Variants in JAM2 observed in about 807,000 individuals in gnomAD.
JAM2 encodes junctional adhesion molecule 2, also known as junctional adhesion molecule B.
A neutral mutation model predicts 42.0 loss-of-function variants in JAM2; 17 were observed. The observed-to-expected ratio is 0.40, with a 90% confidence interval of 0.28 to 0.61. The LOEUF is 0.61. Ranked by LOEUF, JAM2 falls within the 20% of genes least tolerant of loss-of-function variation. The pLI is 0.37. For missense variants in JAM2, 319 were observed against 358.3 expected, an observed-to-expected ratio of 0.89 and a Z score of 0.89; for synonymous variants, 118 against 128.6, an observed-to-expected ratio of 0.92 and a Z score of 0.56.
chr21:25,701,417 C>G (rs1338571171), intron 5 of JAM2, among the ~76,000 whole-genome samples: 1 of 151,562 alleles, frequency 6.6e-6, no homozygotes, highest in Admixed American at 6.6e-5. Flanking sequence ...CCCTCCCTCT[C>G]TTCCTTCCTT....
rs1223121129 is a variant in JAM2, at chr21:25,714,127, T to A, written c.865-513T>A. ...TCTGCCTCTGCCTTCCAGTCCTACC[T>A]CTTTACTCTCTAGGCAAAGCTTCAG... On this transcript the variant is annotated intron_variant, in intron 9 of 9. Coordinates refer to ENST00000480456, the MANE Select transcript of JAM2 (RefSeq NM_021219.4). 2.4e-6 allele frequency: 3 copies of A among 1,272,292 alleles called. No individual in the cohort carries two copies. In the Admixed American group the frequency reaches 7.1e-5, roughly 30 times the overall value. 78.8% of individuals were successfully genotyped at this position (1,272,292 alleles called of 1,614,324 possible).
rs2034183926 is a variant in JAM2 at position 25,702,332 on chromosome 21, G to C, written c.697+63G>C. On this transcript the variant is annotated intron_variant, in intron 6 of 9. Transcript: ENST00000480456. ...ATTCGACTGTGAAGTACAGCAGTTG[G>C]GGGTACAAGGAGCAAGGAGCAGGAA... 5.0e-5 allele frequency: 49 copies of C among 988,010 alleles called. No homozygotes were observed. The South Asian group carries it at 6.2e-4, about 13-fold the overall frequency. The allele number at this position is 988,010 out of a possible 1,614,324, so 61.2% of individuals were successfully genotyped here. A position where few individuals can be genotyped will look rare whatever the true frequency, so the allele number is the denominator to read the frequency against.
chr21:25,639,835 G>A lies in JAM2; in HGVS notation c.14G>A (p.Ser5Asn). The A allele has an allele frequency of 6.3e-7, 1 of 1,586,694 alleles. No individual in the cohort carries two copies. The highest frequency in any genetic ancestry group is 8.6e-7 in the Non-Finnish European group (1 of 1,169,248). Reference sequence around the variant, plus strand: ...CGCCCCGGGAAGATGGCGAGGAGGAGCCGCCACCGCCTCCTCCTGCTGCTG... The same window carrying A: ...CGCCCCGGGAAGATGGCGAGGAGGAACCGCCACCGCCTCCTCCTGCTGCTG... MARR[S>N]RHRLLLLLLR... The change falls in exon 1 of 10, where the codon AGC becomes AAC. Residue 5 changes from serine to asparagine, a missense_variant. Transcript: ENST00000480456.
intron 1 of JAM2, among the ~76,000 whole-genome samples, chr21:25,644,460 A>G (rs2032543335): frequency 6.6e-6 from 1 of 151,924 alleles, no homozygotes; most frequent in African/African-American, 2.4e-5. Context: ...CCAGGCTGCC[A>G]CCTGTCCCCA....
At chr21:25,692,418 T>C (rs1022359685) in intron 3 of JAM2, 2 of 204,692 alleles carry the variant, frequency 9.8e-6, no homozygotes, top group African/African-American at 4.7e-5. Context: ...ATGCTTGATC[T>C]GGCATATGGA....
chr21:25,679,148 G>A (rs908563304), intron 1 of JAM2, among the ~76,000 whole-genome samples: 5 of 152,308 alleles, frequency 3.3e-5, no homozygotes, highest in South Asian at 2.1e-4. Context: ...AGAATAGCGT[G>A]TGCTCCTTAA....
chr21:25,668,245 TGAA>T (rs2033271580), intron 1 of JAM2, among the ~76,000 whole-genome samples: 1 of 152,188 alleles, frequency 6.6e-6, no homozygotes, highest in Non-Finnish European at 1.5e-5. Context: ...TCTGGGGAAA[TGAA>T]GAACCAGTCC....
intron 4 of JAM2, among the ~76,000 whole-genome samples, chr21:25,696,468 C>A (rs908033411): frequency 3.9e-5 from 6 of 152,132 alleles, no homozygotes; most frequent in Non-Finnish European, 8.8e-5. Flanking sequence ...CATGCTCCTT[C>A]TGAAATACTA....
intron 8 of JAM2, chr21:25,710,001 C>T (rs1471946836): frequency 6.6e-6 from 1 of 152,438 alleles, no homozygotes; most frequent in Non-Finnish European, 1.5e-5. Flanking sequence ...GGCAAATATC[C>T]AGACTCTATC....
intron 6 of JAM2, among the ~76,000 whole-genome samples, chr21:25,702,885 G>C (rs2034196478): frequency 6.6e-6 from 1 of 151,924 alleles, no homozygotes; most frequent in Non-Finnish European, 1.5e-5. Flanking sequence ...CAGGGTCTTT[G>C]TCTGTTGCCC....
intron 1 of JAM2, among the ~76,000 whole-genome samples, chr21:25,650,927 A>G (rs1253609430): frequency 2.0e-5 from 3 of 152,068 alleles, no homozygotes; most frequent in African/African-American, 7.2e-5. Flanking sequence ...CTTAATCAAT[A>G]TTGTTACAAC....
chr21:25,642,622 A>G (rs1378914445), intron 1 of JAM2, among the ~76,000 whole-genome samples: 2 of 152,092 alleles, frequency 1.3e-5, no homozygotes, highest in Non-Finnish European at 2.9e-5. Context: ...TATTTAAACG[A>G]TGATGTCAGT....
chr21:25,677,245 C>T (rs1037439801), intron 1 of JAM2, among the ~76,000 whole-genome samples: 8 of 151,868 alleles, frequency 5.3e-5, no homozygotes, highest in Admixed American at 3.3e-4. Flanking sequence ...GAAATACTAC[C>T]GATAATTAAT....
At position 25,688,925 on chromosome 21, in the gene JAM2, G is replaced by C. The variant is rs1020296074; in HGVS notation, c.134-941G>C. On this transcript the variant is annotated intron_variant, in intron 2 of 9. Transcript: ENST00000480456. ...AGAAACATGGAATTGACATTCTAGA[G>C]AGCCTGGTTAAAAAAATACTTTTAA... Among the ~76,000 whole-genome samples the C allele has an allele frequency of 2.6e-5, 4 of 151,938 alleles. No individual in the cohort carries two copies. The South Asian group carries it at 6.2e-4, about 24-fold the overall frequency.
Position 25,698,698 on chromosome 21 carries a change from G to A in JAM2, c.416G>A (p.Cys139Tyr). ...EVLVAPAVPS[C>Y]EVPSSALSGT... Reference sequence around the variant, plus strand: ...TCAGTGGCTCCAGCAGTTCCATCATGTGAAGTACCCTCTTCTGCTCTGAGT... The same window carrying A: ...TCAGTGGCTCCAGCAGTTCCATCATATGAAGTACCCTCTTCTGCTCTGAGT... Residue 139 changes from cysteine to tyrosine, a missense_variant, in exon 5 of 10, where the codon TGT becomes TAT. Transcript: ENST00000480456. 6.2e-7 allele frequency: 1 copy of A among 1,614,030 alleles called. No individual in the cohort carries two copies. The highest frequency in any genetic ancestry group is 8.5e-7 in the Non-Finnish European group (1 of 1,179,936).
intron 1 of JAM2, among the ~76,000 whole-genome samples, chr21:25,665,123 A>T (rs962143174): frequency 6.6e-6 from 1 of 152,154 alleles, no homozygotes; most frequent in African/African-American, 2.4e-5. Flanking sequence ...AGGGGTCTTG[A>T]GGGTTGGAGA....
intron 8 of JAM2, chr21:25,711,652 G>A: frequency 3.6e-6 from 1 of 276,446 alleles, no homozygotes; most frequent in South Asian, 3.4e-5. Flanking sequence ...GAAGGGCAGG[G>A]TAGCTGGAAA....
chr21:25,696,170 G>A (rs1004853900), intron 4 of JAM2, among the ~76,000 whole-genome samples: 1 of 152,180 alleles, frequency 6.6e-6, no homozygotes, highest in Non-Finnish European at 1.5e-5. Flanking sequence ...CAGATCACTC[G>A]CGGTTAGGAG....
intron 1 of JAM2, among the ~76,000 whole-genome samples, chr21:25,648,137 G>A (rs1478361028): frequency 6.6e-6 from 1 of 152,134 alleles, no homozygotes; most frequent in Admixed American, 6.5e-5. Context: ...CTTGAACGTG[G>A]GAGGCGGAGG....
Sources: gnomAD v4.1 joint callset for allele counts (sites outside exome capture counted in the v4.1 genomes callset) on GRCh38, gnomAD v4.1.1 for gene constraint, MANE v1.5 for transcripts, NCBI Gene and HGNC (gene_info 2026-07-23, HGNC 2026-07-21) for gene names.